GRIK2: variants seen among roughly 807,000 people sequenced by gnomAD.
GRIK2 encodes the protein glutamate ionotropic receptor kainate type subunit 2.
A neutral mutation model predicts 100.3 loss-of-function variants in GRIK2; 32 were observed. That is an observed-to-expected ratio of 0.32 (90% CI 0.24 to 0.43). GRIK2 has a LOEUF of 0.43. Among genes scored for constraint, GRIK2 ranks in the 20% least tolerant of loss-of-function variants. The probability of loss-of-function intolerance (pLI) is 1.00; values close to 1 mark genes in which losing one functional copy is unlikely to be tolerated. For missense variants in GRIK2, 843 were observed against 1,114.9 expected, an observed-to-expected ratio of 0.76 and a Z score of 3.47; for synonymous variants, 417 against 389.4, an observed-to-expected ratio of 1.07 and a Z score of -0.83.
intron 2 of GRIK2, among the ~76,000 whole-genome samples, chr6:101,618,680 T>C (rs959467772): frequency 1.3e-5 from 2 of 151,790 alleles, no homozygotes; most frequent in Non-Finnish European, 3.0e-5. Flanking sequence ...TAGAACTTGA[T>C]TTAGTTAGTA....
At chr6:101,771,226 C>CT (rs1410006480) in intron 7 of GRIK2, among the ~76,000 whole-genome samples, 1 of 151,410 alleles carries the variant, frequency 6.6e-6, no homozygotes, top group African/African-American at 2.4e-5. Context: ...AGTTATCTTT[C>CT]TTTTTTTTCT....
At chr6:101,660,606 T>C (rs1008937200) in intron 4 of GRIK2, among the ~76,000 whole-genome samples, 1 of 152,188 alleles carries the variant, frequency 6.6e-6, no homozygotes, top group Non-Finnish European at 1.5e-5. Context: ...TTATCTTAGA[T>C]GATTTATCTA....
chr6:101,741,626 A>C (rs1206614971), intron 7 of GRIK2, among the ~76,000 whole-genome samples: 1 of 152,182 alleles, frequency 6.6e-6, no homozygotes, highest in African/African-American at 2.4e-5. Context: ...GAGAATAGGA[A>C]GCCTGTCTCC....
chr6:101,761,078 A>C (rs73512719), intron 7 of GRIK2, among the ~76,000 whole-genome samples: 5,677 of 152,226 alleles, frequency 0.037, 220 homozygotes, highest in African/African-American at 0.098. Flanking sequence ...AAAGAACTCT[A>C]ATATTGAGTG....
chr6:101,689,088 G>T (rs1468761458), intron 7 of GRIK2, among the ~76,000 whole-genome samples: 1 of 151,822 alleles, frequency 6.6e-6, no homozygotes, highest in African/African-American at 2.4e-5. Context: ...ATTTTCACAA[G>T]TCATTAAATG....
intron 2 of GRIK2, among the ~76,000 whole-genome samples, chr6:101,527,467 A>G (rs938480511): frequency 1.1e-4 from 16 of 152,190 alleles, no homozygotes; most frequent in Non-Finnish European, 1.5e-5. Flanking sequence ...AGGCAGATAT[A>G]TTATGATCAT....
At chr6:101,497,127 A>T (rs1216562682) in intron 2 of GRIK2, among the ~76,000 whole-genome samples, 1 of 152,142 alleles carries the variant, frequency 6.6e-6, no homozygotes. Context: ...ATTTTCCAAT[A>T]ATCTGCTTCA....
chr6:101,608,784 GGTGTGTGTGTGT>G lies in GRIK2; in HGVS notation c.116-13146_116-13135del, dbSNP rs71689029. Among the ~76,000 whole-genome samples the G allele has an allele frequency of 3.4e-3, 490 of 142,042 alleles. 7 individuals are homozygous for G. The highest frequency in any genetic ancestry group is 0.013 in the African/African-American group (481 of 37,136). The allele number at this position is 142,042 out of a possible 152,430, so 93.2% of individuals were successfully genotyped here. On this transcript the variant is annotated intron_variant, in intron 2 of 16. Transcript: ENST00000369134. ...TTTTAATGGAAATCTCTCATAGAGG[GGTGTGTGTGTGT>G]GTGTGTGTGTGTGTGTGTATGTATG...
intron 10 of GRIK2, among the ~76,000 whole-genome samples, chr6:101,837,384 A>T (rs1275618004): frequency 6.6e-6 from 1 of 152,162 alleles, no homozygotes; most frequent in African/African-American, 2.4e-5. Flanking sequence ...GAGAGATTAG[A>T]TCTTAACTAT....
chr6:101,400,354 C>G (rs911862624), intron 2 of GRIK2, among the ~76,000 whole-genome samples: 1 of 152,126 alleles, frequency 6.6e-6, no homozygotes, highest in African/African-American at 2.4e-5. Flanking sequence ...GAAAATGAAG[C>G]GTGGGCGATG....
intron 4 of GRIK2, among the ~76,000 whole-genome samples, chr6:101,639,528 T>C (rs561639093): frequency 6.6e-4 from 100 of 152,242 alleles, no homozygotes; most frequent in African/African-American, 2.2e-3. Flanking sequence ...TGTAAGGACT[T>C]GTCCACATAA....
chr6:101,834,645 C>A (rs1782944112), intron 10 of GRIK2, among the ~76,000 whole-genome samples: 2 of 151,030 alleles, frequency 1.3e-5, no homozygotes, highest in Non-Finnish European at 3.0e-5. Flanking sequence ...TTAAATAATA[C>A]ACTTTAAAAA....
intron 11 of GRIK2, among the ~76,000 whole-genome samples, chr6:101,864,399 T>C (rs952497876): frequency 9.2e-5 from 14 of 152,166 alleles, no homozygotes; most frequent in Admixed American, 3.3e-4. Context: ...CTGGCACTGA[T>C]GGATAATCTC....
chr6:101,439,806 G>A (rs1342727421), intron 2 of GRIK2, among the ~76,000 whole-genome samples: 1 of 152,050 alleles, frequency 6.6e-6, no homozygotes, highest in Non-Finnish European at 1.5e-5. Context: ...TTCTGGTTTA[G>A]AATTTTGGGC....
chr6:101,721,669 G>A (rs1774494954), intron 7 of GRIK2, among the ~76,000 whole-genome samples: 1 of 151,846 alleles, frequency 6.6e-6, no homozygotes, highest in African/African-American at 2.4e-5. Flanking sequence ...TTAATAAGTT[G>A]TTCTACATTT....
intron 7 of GRIK2, among the ~76,000 whole-genome samples, chr6:101,745,663 A>G (rs569244974): frequency 6.6e-6 from 1 of 152,234 alleles, no homozygotes; most frequent in South Asian, 2.1e-4. Context: ...AAAATTAGCC[A>G]TGTTTATTTT....
chr6:102,022,713 T>C (rs572366732), intron 14 of GRIK2, among the ~76,000 whole-genome samples: 1 of 151,824 alleles, frequency 6.6e-6, no homozygotes, highest in African/African-American at 2.4e-5. Flanking sequence ...TTTTATAATC[T>C]AGTGTTCCAT....
chr6:101,882,436 A>C (rs976032576), intron 11 of GRIK2, among the ~76,000 whole-genome samples: 5 of 152,152 alleles, frequency 3.3e-5, no homozygotes, highest in Non-Finnish European at 7.4e-5. Flanking sequence ...ACATCAGTTA[A>C]GTTTATTTTT....
intron 10 of GRIK2, among the ~76,000 whole-genome samples, chr6:101,819,777 C>T (rs921923251): frequency 3.3e-5 from 5 of 152,116 alleles, no homozygotes; most frequent in African/African-American, 7.2e-5. Flanking sequence ...GGCTTTCCTC[C>T]TTTGCAGTGC....
Sources: allele counts gnomAD v4.1 joint callset (sites outside exome capture counted in the v4.1 genomes callset), GRCh38; gene constraint gnomAD v4.1.1; transcripts MANE v1.5; gene names NCBI Gene and HGNC (gene_info 2026-07-23, HGNC 2026-07-21).